Variants in MACROD2 observed in about 807,000 individuals in gnomAD.
The protein encoded by MACROD2 is ADP-ribose glycohydrolase MACROD2.
In MACROD2, 36 loss-of-function variants were observed where a neutral mutation model predicts 70.4. The observed-to-expected ratio is 0.51, with a 90% CI of 0.39 to 0.68. The LOEUF is 0.68. MACROD2 is among the 30% of genes least tolerant of loss of function. MACROD2 has a pLI of 0.00. For missense variants in MACROD2, 496 were observed against 538.4 expected (o/e 0.92, Z 0.78); for synonymous variants, 172 against 178.8 (o/e 0.96, Z 0.30).
intron 3 of MACROD2, among the ~76,000 whole-genome samples, chr20:14,212,785 C>T (rs979508866): frequency 2.6e-5 from 4 of 151,176 alleles, no homozygotes; most frequent in African/African-American, 9.7e-5. Flanking sequence ...GAGCTCAGCT[C>T]ATAGTAAGAG....
intron 9 of MACROD2, among the ~76,000 whole-genome samples, chr20:15,868,481 T>A (rs181986627): frequency 4.7e-4 from 71 of 152,292 alleles, no homozygotes; most frequent in African/African-American, 1.6e-3. Context: ...TACATAGGTT[T>A]TATATATCTA....
chr20:14,789,536 C>T (rs2072423427), intron 5 of MACROD2, among the ~76,000 whole-genome samples: 1 of 118,434 alleles, frequency 8.4e-6, no homozygotes, highest in Non-Finnish European at 1.6e-5. Context: ...AGTGCAATGG[C>T]AGGATCTCAG....
chr20:15,368,561 A>C (rs1006408186), intron 6 of MACROD2, among the ~76,000 whole-genome samples: 6 of 149,668 alleles, frequency 4.0e-5, no homozygotes, highest in Non-Finnish European at 7.4e-5. Flanking sequence ...TCCCAGGTTC[A>C]CAAGATTATC....
chr20:14,793,574 T>C (rs1432580883), intron 5 of MACROD2, among the ~76,000 whole-genome samples: 1 of 151,932 alleles, frequency 6.6e-6, no homozygotes, highest in Non-Finnish European at 1.5e-5. Context: ...AGGGAATCGA[T>C]TATACCGGGG....
chr20:14,869,474 G>A (rs2073463978), intron 5 of MACROD2, among the ~76,000 whole-genome samples: 1 of 152,140 alleles, frequency 6.6e-6, no homozygotes, highest in African/African-American at 2.4e-5. Flanking sequence ...CATTAGTGAT[G>A]TCCAGGCTTC....
chr20:15,216,998 A>G (rs1215432209), intron 5 of MACROD2, among the ~76,000 whole-genome samples: 1 of 152,204 alleles, frequency 6.6e-6, no homozygotes, highest in East Asian at 1.9e-4. Flanking sequence ...ACATTTGGAA[A>G]TGCAGTGGCT....
chr20:14,532,702 G>T (rs2085321620), intron 4 of MACROD2, among the ~76,000 whole-genome samples: 1 of 152,134 alleles, frequency 6.6e-6, no homozygotes, highest in Admixed American at 6.5e-5. Context: ...GTTGCCTGTT[G>T]TTCAAATATA....
At chr20:14,461,732 A>G (rs2084375058) in intron 3 of MACROD2, among the ~76,000 whole-genome samples, 1 of 139,892 alleles carries the variant, frequency 7.1e-6, no homozygotes, top group African/African-American at 2.7e-5. Context: ...TTCAATTCCC[A>G]CCTATGAGTG....
intron 8 of MACROD2, among the ~76,000 whole-genome samples, chr20:15,679,607 T>C (rs1378206832): frequency 6.6e-6 from 1 of 152,178 alleles, no homozygotes; most frequent in African/African-American, 2.4e-5. Flanking sequence ...GATTTAGCAC[T>C]CTCAGAGCTT....
intron 8 of MACROD2, among the ~76,000 whole-genome samples, chr20:15,563,490 C>T (rs1249111676): frequency 6.6e-6 from 1 of 152,216 alleles, no homozygotes; most frequent in East Asian, 1.9e-4. Flanking sequence ...GTGAAACTTG[C>T]AAACATTGAG....
chr20:15,085,541 A>G (rs181182231), intron 5 of MACROD2, among the ~76,000 whole-genome samples: 13 of 152,160 alleles, frequency 8.5e-5, no homozygotes, highest in Non-Finnish European at 1.3e-4. Context: ...TTACAAGTCA[A>G]TAATAGAAAG....
intron 3 of MACROD2, among the ~76,000 whole-genome samples, chr20:14,404,565 C>T (rs1300614480): frequency 1.3e-5 from 2 of 151,090 alleles, no homozygotes; most frequent in Non-Finnish European, 1.5e-5. Context: ...TCATTGCACT[C>T]CAGCCGGGGT....
intron 8 of MACROD2, among the ~76,000 whole-genome samples, chr20:15,539,975 G>A (rs930718111): frequency 2.6e-5 from 4 of 152,174 alleles, no homozygotes; most frequent in South Asian, 2.1e-4. Context: ...GCGACAGAGC[G>A]AGACTCCATC....
intron 5 of MACROD2, among the ~76,000 whole-genome samples, chr20:14,866,225 C>A (rs2073426281): frequency 6.6e-6 from 1 of 152,120 alleles, no homozygotes; most frequent in Non-Finnish European, 1.5e-5. Context: ...ACAAGGTGAA[C>A]TTAACTGGAT....
chr20:16,016,354 A>G (rs2066928458), intron 15 of MACROD2, among the ~76,000 whole-genome samples: 1 of 152,194 alleles, frequency 6.6e-6, no homozygotes, highest in Non-Finnish European at 1.5e-5. Context: ...TTTAAAATAT[A>G]GGTCTGCCTG....
chr20:15,202,168 C>T (rs1441475437), intron 5 of MACROD2, among the ~76,000 whole-genome samples: 1 of 152,104 alleles, frequency 6.6e-6, no homozygotes, highest in African/African-American at 2.4e-5. Context: ...GTAGACTATG[C>T]CGAAGTCATA....
intron 15 of MACROD2, among the ~76,000 whole-genome samples, chr20:16,038,000 C>T (rs2067257379): frequency 1.3e-5 from 2 of 151,690 alleles, no homozygotes; most frequent in Admixed American, 1.3e-4. Flanking sequence ...TTCTCTCAGT[C>T]ATATTCTCTG....
In MACROD2 at chr20:15,555,276, C is replaced by A. The variant is rs534832196; in HGVS notation, c.645+55429C>A. 1.9e-3 allele frequency among the ~76,000 whole-genome samples: 296 copies of A among 152,232 alleles called. 1 individual carries two copies. The highest frequency in any genetic ancestry group is 6.7e-3 in the African/African-American group (280 of 41,546). On this transcript the variant is annotated intron_variant, in intron 8 of 17. Coordinates refer to ENST00000684519, the MANE Select transcript of MACROD2 (RefSeq NM_001351661.2). ...TCAGAATAATGACCAATTCCAGTCCCTCTTTTGGAATAGGGATGTGGAGAG... is the reference window on the plus strand; with the variant it reads ...TCAGAATAATGACCAATTCCAGTCCATCTTTTGGAATAGGGATGTGGAGAG...
At chr20:14,226,599 G>C (rs958976175) in intron 3 of MACROD2, among the ~76,000 whole-genome samples, 1 of 152,170 alleles carries the variant, frequency 6.6e-6, no homozygotes, top group Non-Finnish European at 1.5e-5. Context: ...CCGCGCACTC[G>C]GAGCAGCCGG....
Sources: allele counts gnomAD v4.1 joint callset (sites outside exome capture counted in the v4.1 genomes callset), GRCh38; gene constraint gnomAD v4.1.1; transcripts MANE v1.5; gene names NCBI Gene and HGNC (gene_info 2026-07-23, HGNC 2026-07-21).